RYR3: variants seen among roughly 807,000 people sequenced by gnomAD.
RYR3 encodes ryanodine receptor 3.
RYR3 carries 207 observed loss-of-function variants against 584.3 expected under a neutral mutation model. The observed-to-expected ratio is 0.35, with a 90% CI of 0.32 to 0.40. The LOEUF (loss-of-function observed/expected upper bound fraction) is 0.40, where lower values mean the gene tolerates loss of function less well. RYR3 is among the 10% of genes least tolerant of loss of function. The pLI is 1.00. For synonymous variants in RYR3, 2,416 were observed against 2,248.5 expected, an observed-to-expected ratio of 1.07 and a Z score of -2.11; for missense variants, 5,616 against 6,089.2, an observed-to-expected ratio of 0.92 and a Z score of 2.59.
chr15:33,656,434 CCG>C (rs2062826927), intron 32 of RYR3, among the ~76,000 whole-genome samples: 2 of 152,208 alleles, frequency 1.3e-5, no homozygotes, highest in Non-Finnish European at 2.9e-5. Context: ...TGAATGCTCA[CCG>C]AGTATGTGTT....
intron 17 of RYR3, among the ~76,000 whole-genome samples, chr15:33,602,701 T>C (rs2152553951): frequency 6.7e-6 from 1 of 150,270 alleles, no homozygotes; most frequent in South Asian, 2.1e-4. Flanking sequence ...AAGAACTTGA[T>C]CAAGTGTTGA....
At chr15:33,544,487 G>T (rs183958474) in intron 8 of RYR3, among the ~76,000 whole-genome samples, 7 of 152,062 alleles carry the variant, frequency 4.6e-5, no homozygotes, top group Non-Finnish European at 1.0e-4. Flanking sequence ...CATTAGAAAC[G>T]TGGGCTCACA....
intron 1 of RYR3, among the ~76,000 whole-genome samples, chr15:33,425,848 T>A (rs562961721): frequency 6.6e-5 from 10 of 152,062 alleles, no homozygotes; most frequent in African/African-American, 9.7e-5. Context: ...TTCACCGTGT[T>A]AGCCAGGATG....
chr15:33,520,466 T>C (rs999165209), intron 3 of RYR3, among the ~76,000 whole-genome samples: 1 of 152,108 alleles, frequency 6.6e-6, no homozygotes, highest in Non-Finnish European at 1.5e-5. Context: ...AGGAGGAGTA[T>C]GGGTGGTTCA....
intron 1 of RYR3, among the ~76,000 whole-genome samples, chr15:33,421,877 G>C (rs2044267724): frequency 6.6e-6 from 1 of 152,082 alleles, no homozygotes; most frequent in African/African-American, 2.4e-5. Context: ...TTTTAAAAGA[G>C]GTTTAATTTA....
intron 89 of RYR3, 86 bp from the exon 90 acceptor site, chr15:33,840,739 C>G: frequency 7.9e-7 from 1 of 1,260,144 alleles, no homozygotes; most frequent in Non-Finnish European, 1.1e-6. Flanking sequence ...AAATTTGTGA[C>G]CAAGAAGCAA....
At chr15:33,397,131 T>C (rs761861627) in intron 1 of RYR3, among the ~76,000 whole-genome samples, 1 of 152,192 alleles carries the variant, frequency 6.6e-6, no homozygotes, top group African/African-American at 2.4e-5. Context: ...AAAGAAAATT[T>C]ATTTCTTATA....
intron 3 of RYR3, among the ~76,000 whole-genome samples, chr15:33,519,135 G>A (rs2053773249): frequency 6.6e-6 from 1 of 152,144 alleles, no homozygotes; most frequent in Non-Finnish European, 1.5e-5. Flanking sequence ...TAGAATGCAT[G>A]GGGGGCAGTT....
At chr15:33,805,481 TTTTTC>T (rs1410418014) in intron 69 of RYR3, among the ~76,000 whole-genome samples, 1 of 151,284 alleles carries the variant, frequency 6.6e-6, no homozygotes, top group African/African-American at 2.4e-5. Context: ...TTTTTTTTTT[TTTTTC>T]TTCTTCTTTG....
At chr15:33,488,781 G>A (rs939776931) in intron 2 of RYR3, among the ~76,000 whole-genome samples, 2 of 152,094 alleles carry the variant, frequency 1.3e-5, no homozygotes, top group South Asian at 4.2e-4. Flanking sequence ...AACCCAGGAG[G>A]CGGGGGTTGC....
intron 23 of RYR3, among the ~76,000 whole-genome samples, chr15:33,631,912 A>T (rs1007716933): frequency 3.3e-5 from 5 of 152,258 alleles, no homozygotes; most frequent in African/African-American, 1.2e-4. Flanking sequence ...CTTTAATCAA[A>T]CGTTTATCTT....
chr15:33,665,123 TC>T (rs1437974768), intron 36 of RYR3, among the ~76,000 whole-genome samples: 3 of 152,198 alleles, frequency 2.0e-5, no homozygotes, highest in Non-Finnish European at 4.4e-5. Flanking sequence ...ATCTGCATAT[TC>T]CCTATTTCAC....
At chr15:33,335,335 A>G (rs1330824339) in intron 1 of RYR3, among the ~76,000 whole-genome samples, 2 of 152,258 alleles carry the variant, frequency 1.3e-5, no homozygotes, top group Admixed American at 1.3e-4. Context: ...ACACCATGGA[A>G]TACTATGCAG....
At chr15:33,509,014 G>A (rs573067482) in intron 3 of RYR3, among the ~76,000 whole-genome samples, 1 of 152,238 alleles carries the variant, frequency 6.6e-6, no homozygotes, top group Admixed American at 6.5e-5. Context: ...CCGTGTAAAG[G>A]TCCTTAGAGT....
intron 28 of RYR3, among the ~76,000 whole-genome samples, chr15:33,645,727 A>G (rs1278780923): frequency 6.6e-6 from 1 of 152,156 alleles, no homozygotes; most frequent in African/African-American, 2.4e-5. Context: ...TTCCCTCTCC[A>G]CACACAAATT....
chr15:33,720,057 G>A (rs971749554), intron 43 of RYR3, among the ~76,000 whole-genome samples: 2 of 152,170 alleles, frequency 1.3e-5, no homozygotes, highest in African/African-American at 4.8e-5. Context: ...TTAGACTCTT[G>A]AAGGATTGAG....
At chr15:33,381,028 A>G in intron 1 of RYR3, among the ~76,000 whole-genome samples, 1 of 152,124 alleles carries the variant, frequency 6.6e-6, no homozygotes, top group East Asian at 1.9e-4. Flanking sequence ...ATTGTTTCCA[A>G]TTTCCAGTCT....
At chr15:33,691,045 G>A (rs2065390553) in intron 38 of RYR3, among the ~76,000 whole-genome samples, 1 of 152,122 alleles carries the variant, frequency 6.6e-6, no homozygotes, top group African/African-American at 2.4e-5. Context: ...ATAATTGGAA[G>A]GGTAGTAGTA....
At chr15:33,851,019 A>C (rs1466847615) in intron 94 of RYR3, 1 of 152,176 alleles carries the variant, frequency 6.6e-6, no homozygotes, top group African/African-American at 2.4e-5. Context: ...TTATACTGTC[A>C]CTTGAATTTT....
Sources: allele counts gnomAD v4.1 joint callset (sites outside exome capture counted in the v4.1 genomes callset), GRCh38; gene constraint gnomAD v4.1.1; transcripts MANE v1.5; gene names NCBI Gene and HGNC (gene_info 2026-07-23, HGNC 2026-07-21).